STK3: variants seen among roughly 807,000 people sequenced by gnomAD.
STK3 encodes the protein serine/threonine kinase 3, also known as serine/threonine-protein kinase 3.
STK3 carries 41 observed loss-of-function variants against 58.0 expected under a neutral mutation model. The observed-to-expected ratio is 0.71, with a 90% CI of 0.55 to 0.92. The LOEUF is 0.92. STK3 is among the 40% of genes least tolerant of loss of function. STK3 has a pLI of 0.00. For missense variants in STK3, 479 were observed against 602.7 expected (o/e 0.79, Z 2.15); for synonymous variants, 170 against 191.0 (o/e 0.89, Z 0.91).
chr8:98,579,256 C>T (rs1813661661), intron 8 of STK3, among the ~76,000 whole-genome samples: 1 of 152,200 alleles, frequency 6.6e-6, no homozygotes, highest in Admixed American at 6.5e-5. Context: ...GAATTAATAG[C>T]TAGTTTAATA....
intron 6 of STK3, among the ~76,000 whole-genome samples, chr8:98,605,009 T>G (rs1046445269): frequency 1.3e-5 from 2 of 152,194 alleles, no homozygotes; most frequent in Non-Finnish European, 2.9e-5. Context: ...TTTGCTCCAG[T>G]TCCCAGTAAG....
intron 10 of STK3, among the ~76,000 whole-genome samples, chr8:98,525,280 G>C (rs1026960231): frequency 2.6e-5 from 4 of 152,092 alleles, no homozygotes; most frequent in South Asian, 2.1e-4. Context: ...AGGGTGAGAG[G>C]GGAAGAAGGG....
At chr8:98,916,861 A>C (rs1405314514) in intron 1 of STK3, among the ~76,000 whole-genome samples, 1 of 152,216 alleles carries the variant, frequency 6.6e-6, no homozygotes, top group Non-Finnish European at 1.5e-5. Flanking sequence ...AAAACAAAAC[A>C]ATAAACAGGG....
intron 3 of STK3, among the ~76,000 whole-genome samples, chr8:98,855,409 G>A (rs1836630981): frequency 6.6e-6 from 1 of 152,176 alleles, no homozygotes; most frequent in Non-Finnish European, 1.5e-5. Flanking sequence ...ATCATTCAAT[G>A]GGGAAAGAAT....
chr8:98,542,482 C>G (rs1036721677), intron 9 of STK3, among the ~76,000 whole-genome samples: 1 of 152,066 alleles, frequency 6.6e-6, no homozygotes, highest in African/African-American at 2.4e-5. Flanking sequence ...TCTATAGAAG[C>G]CCCTTTGACT....
intron 10 of STK3, among the ~76,000 whole-genome samples, chr8:98,471,262 C>T (rs941431171): frequency 2.4e-4 from 37 of 151,950 alleles, no homozygotes; most frequent in Admixed American, 2.4e-3. Context: ...TAAGAGAGGG[C>T]TAAGTCGCTG....
chr8:98,885,803 A>G (rs1233463487), intron 1 of STK3, among the ~76,000 whole-genome samples: 1 of 152,242 alleles, frequency 6.6e-6, no homozygotes, highest in Admixed American at 6.5e-5. Flanking sequence ...AATTGGAAAC[A>G]TTTCAAATGT....
At chr8:98,702,678 T>C (rs1825707819) in intron 6 of STK3, among the ~76,000 whole-genome samples, 1 of 151,920 alleles carries the variant, frequency 6.6e-6, no homozygotes, top group African/African-American at 2.4e-5. Context: ...TGTTCTGGAG[T>C]GTTCCTAATT....
At chr8:98,584,429 C>G (rs915240844) in intron 7 of STK3, among the ~76,000 whole-genome samples, 1 of 151,454 alleles carries the variant, frequency 6.6e-6, no homozygotes, top group Non-Finnish European at 1.5e-5. Context: ...GACATGAACT[C>G]ATCATTTTTT....
intron 3 of STK3, among the ~76,000 whole-genome samples, chr8:98,855,324 CAT>C (rs1162129759): frequency 1.3e-5 from 2 of 152,194 alleles, no homozygotes; most frequent in African/African-American, 4.8e-5. Flanking sequence ...CAAGGACAGA[CAT>C]ATGGATCAGA....
intron 1 of STK3, among the ~76,000 whole-genome samples, chr8:98,799,612 T>TA (rs1833387625): frequency 1.3e-5 from 2 of 152,256 alleles, no homozygotes; most frequent in South Asian, 4.1e-4. Context: ...ACCTGCACCT[T>TA]AGTCTTTCCA....
chr8:98,370,342 AGTGTGT>A (rs35062643), downstream of STK3, among the ~76,000 whole-genome samples: 354 of 138,610 alleles, frequency 2.6e-3, 2 homozygotes, highest in African/African-American at 6.7e-3. Context: ...TGACCTCTGC[AGTGTGT>A]GTGTGTGTGT....
At chr8:98,677,545 GGAAGGAA>G (rs376652540) in intron 6 of STK3, among the ~76,000 whole-genome samples, 9 of 152,114 alleles carry the variant, frequency 5.9e-5, no homozygotes, top group African/African-American at 1.2e-4. Context: ...AGGAGGAAGA[GGAAGGAA>G]GAAGGAAGAA....
At chr8:98,562,110 C>T (rs1812084948) in intron 8 of STK3, among the ~76,000 whole-genome samples, 2 of 152,126 alleles carry the variant, frequency 1.3e-5, no homozygotes, top group Admixed American at 1.3e-4. Flanking sequence ...TTGGCAGTTT[C>T]TTACTAAGCT....
intron 10 of STK3, among the ~76,000 whole-genome samples, chr8:98,471,363 T>C (rs1245095781): frequency 6.6e-6 from 1 of 151,060 alleles, no homozygotes; most frequent in African/African-American, 2.4e-5. Context: ...TTTTCTTTTT[T>C]TTTTTTTTTT....
At chr8:98,345,122 T>C in the STK3 span, among the ~76,000 whole-genome samples, 4 of 152,012 alleles carry the variant, frequency 2.6e-5, 1 homozygote, top group African/African-American at 9.7e-5. Flanking sequence ...AATGTGGAAA[T>C]AGGCCATTTT....
chr8:98,351,428 T>A, the STK3 span, among the ~76,000 whole-genome samples: 2 of 152,218 alleles, frequency 1.3e-5, no homozygotes, highest in South Asian at 4.1e-4. Flanking sequence ...GTAGGATTAG[T>A]ATTTTATTCT....
chr8:98,772,042 A>G (rs571275922), intron 2 of STK3, among the ~76,000 whole-genome samples: 7 of 152,318 alleles, frequency 4.6e-5, no homozygotes, highest in Admixed American at 4.6e-4. Context: ...GTCTAATGAA[A>G]GAATTTAGAA....
At chr8:98,498,221 G>C (rs779401601) in intron 10 of STK3, among the ~76,000 whole-genome samples, 3 of 151,980 alleles carry the variant, frequency 2.0e-5, no homozygotes, top group Non-Finnish European at 2.9e-5. Context: ...GCTGAGGCAG[G>C]GGTAGAGGGG....
Sources: gnomAD v4.1 joint callset for allele counts (sites outside exome capture counted in the v4.1 genomes callset) on GRCh38, gnomAD v4.1.1 for gene constraint, MANE v1.5 for transcripts, NCBI Gene and HGNC (gene_info 2026-07-23, HGNC 2026-07-21) for gene names.